Variants in NWD1 observed in about 807,000 individuals in gnomAD.
NWD1 encodes the protein NACHT and WD repeat domain containing 1.
In NWD1, 129 loss-of-function variants were observed where a neutral mutation model predicts 135.1. The observed-to-expected ratio is 0.96, with a 90% CI of 0.83 to 1.11. The LOEUF is 1.11. NWD1 is among the 50% of genes least tolerant of loss of function. The pLI, the probability that NWD1 is intolerant of heterozygous loss-of-function variation, is 0.00. For missense variants in NWD1, 1,740 were observed against 1,851.3 expected (o/e 0.94, Z 1.10); for synonymous variants, 773 against 786.0 (o/e 0.98, Z 0.28).
Position 16,815,230 on chromosome 19 carries a change from A to G in NWD1, c.*191A>G. The G allele has an allele frequency of 1.3e-6, 1 of 789,144 alleles. No individual in the cohort carries two copies. Among genetic ancestry groups the G allele is most frequent in the Non-Finnish European group, 2.3e-6 (1 of 425,538 alleles). 48.9% of individuals were successfully genotyped at this position (789,144 alleles called of 1,614,324 possible). ...TCAAATCCAGGCAGAGAGAGGAGCT[A>G]GTTGCAGCTGCAGGAGCTCCCCAGG... On this transcript the variant is annotated 3_prime_UTR_variant, in exon 19 of 19. Transcript: ENST00000524140.
chr19:16,767,642 C>G (rs866558550), intron 10 of NWD1, among the ~76,000 whole-genome samples: 1 of 151,918 alleles, frequency 6.6e-6, no homozygotes, highest in Non-Finnish European at 1.5e-5. Context: ...CATCAGATCT[C>G]GTGAAAACTC....
At chr19:16,765,295 A>G (rs1423511912) in intron 10 of NWD1, 103 bp downstream of exon 10, 10 of 1,113,862 alleles carry the variant, frequency 9.0e-6, no homozygotes, top group Non-Finnish European at 1.0e-5. Context: ...CAATTCTCAT[A>G]CCTTTCCTGT....
intron 17 of NWD1, among the ~76,000 whole-genome samples, chr19:16,807,203 T>C (rs1970773146): frequency 6.8e-6 from 1 of 146,864 alleles, no homozygotes; most frequent in African/African-American, 2.5e-5. Flanking sequence ...AAAGAAAATA[T>C]GAACACCAGG....
intron 7 of NWD1, among the ~76,000 whole-genome samples, chr19:16,760,433 A>T (rs1415268770): frequency 1.3e-5 from 2 of 150,696 alleles, no homozygotes; most frequent in South Asian, 2.1e-4. Context: ...TAATTTTTAA[A>T]TTTTTTTGTG....
chr19:16,736,980 A>G (rs1437671110), intron 4 of NWD1, among the ~76,000 whole-genome samples: 1 of 152,150 alleles, frequency 6.6e-6, no homozygotes, highest in Non-Finnish European at 1.5e-5. Context: ...CTTGGAGAGT[A>G]GAATGTTGAA....
chr19:16,742,818 G>A (rs1968138607), intron 4 of NWD1, among the ~76,000 whole-genome samples: 1 of 151,130 alleles, frequency 6.6e-6, no homozygotes, highest in African/African-American at 2.4e-5. Context: ...CTACAGGCAT[G>A]TGCCACCATG....
intron 17 of NWD1, 78 bp downstream of exon 17, chr19:16,800,240 A>T (rs538776602): frequency 1.4e-6 from 2 of 1,384,180 alleles, no homozygotes; most frequent in Non-Finnish European, 2.0e-6. Flanking sequence ...ACTGTAACAA[A>T]TCATCCCCAC....
At chr19:16,798,550 G>A (rs1273219501) in intron 16 of NWD1, among the ~76,000 whole-genome samples, 1 of 152,208 alleles carries the variant, frequency 6.6e-6, no homozygotes, top group Non-Finnish European at 1.5e-5. Flanking sequence ...GGTAGAGGCT[G>A]CAGTGAGCTG....
intron 15 of NWD1, among the ~76,000 whole-genome samples, chr19:16,795,986 G>A (rs750477435): frequency 6.6e-6 from 1 of 152,114 alleles, no homozygotes; most frequent in African/African-American, 2.4e-5. Flanking sequence ...AAGTGATAAG[G>A]ACAGAGAATT....
intron 5 of NWD1, among the ~76,000 whole-genome samples, chr19:16,747,345 TTTTA>T (rs78977506): frequency 0.25 from 35,286 of 143,034 alleles, 4,728 homozygotes; most frequent in Middle Eastern, 0.42. Flanking sequence ...GACATTTTCT[TTTTA>T]TTTATTTATT....
chr19:16,765,779 G>A (rs1170640004), intron 10 of NWD1, among the ~76,000 whole-genome samples: 1 of 152,062 alleles, frequency 6.6e-6, no homozygotes, highest in African/African-American at 2.4e-5. Flanking sequence ...AGCACTCTGG[G>A]AAGCCGAGGC....
intron 4 of NWD1, among the ~76,000 whole-genome samples, chr19:16,742,561 T>A (rs1968129226): frequency 6.6e-6 from 1 of 151,270 alleles, no homozygotes; most frequent in East Asian, 1.9e-4. Flanking sequence ...AGGGGAGAGC[T>A]GGACTTAGGG....
chr19:16,766,073 C>T (rs970304424), intron 10 of NWD1, among the ~76,000 whole-genome samples: 2 of 150,414 alleles, frequency 1.3e-5, no homozygotes, highest in Admixed American at 6.6e-5. Context: ...GGAACTATTT[C>T]GAGAAAACTC....
At chr19:16,756,590 C>G (rs1186435810) in intron 6 of NWD1, among the ~76,000 whole-genome samples, 1 of 152,140 alleles carries the variant, frequency 6.6e-6, no homozygotes, top group African/African-American at 2.4e-5. Context: ...ATTTATCTCT[C>G]CATATAATCT....
At chr19:16,788,771 ACT>A (rs1257096697) in intron 12 of NWD1, among the ~76,000 whole-genome samples, 2 of 151,430 alleles carry the variant, frequency 1.3e-5, no homozygotes, top group East Asian at 1.9e-4. Context: ...AAGCGTGAGA[ACT>A]CTTTCTCCAT....
At chr19:16,803,192 T>C (rs1970654347) in intron 17 of NWD1, among the ~76,000 whole-genome samples, 1 of 152,088 alleles carries the variant, frequency 6.6e-6, no homozygotes, top group Non-Finnish European at 1.5e-5. Flanking sequence ...GGAGACTGCC[T>C]CCATGATTCA....
intron 2 of NWD1, among the ~76,000 whole-genome samples, chr19:16,724,701 A>T (rs1666741944): frequency 6.6e-6 from 1 of 151,394 alleles, no homozygotes; most frequent in South Asian, 2.1e-4. Context: ...CAAAAAAAAT[A>T]TTTTTTTTTG....
intron 10 of NWD1, among the ~76,000 whole-genome samples, chr19:16,768,324 A>G (rs1368032512): frequency 6.9e-6 from 1 of 144,344 alleles, no homozygotes; most frequent in East Asian, 1.9e-4. Flanking sequence ...CAAGGCTAAG[A>G]ATTTCCTTCC....
chr19:16,783,000 C>G (rs1004746190), intron 12 of NWD1, among the ~76,000 whole-genome samples: 1 of 140,552 alleles, frequency 7.1e-6, no homozygotes, highest in African/African-American at 2.8e-5. Context: ...TCCTTTCTCT[C>G]TCTCTTTCTT....
Sources: gnomAD v4.1 joint callset for allele counts (sites outside exome capture counted in the v4.1 genomes callset) on GRCh38, gnomAD v4.1.1 for gene constraint, MANE v1.5 for transcripts, NCBI Gene and HGNC (gene_info 2026-07-23, HGNC 2026-07-21) for gene names.